Variants in EVPLL observed in about 807,000 individuals in gnomAD.
EVPLL encodes envoplakin like.
EVPLL carries 39 observed loss-of-function variants against 46.2 expected under a neutral mutation model. That is an observed-to-expected ratio of 0.84 (90% CI 0.65 to 1.10). The LOEUF is 1.10. Among genes scored for constraint, EVPLL ranks in the 50% least tolerant of loss-of-function variants. EVPLL has a pLI of 0.00. For missense variants in EVPLL, 385 were observed against 412.6 expected (o/e 0.93, Z 0.58); for synonymous variants, 156 against 165.8 (o/e 0.94, Z 0.46).
In EVPLL at chr17:18,381,622, C is replaced by T. The variant is rs776733805; in HGVS notation, c.238C>T (p.Arg80Trp). The T allele has an allele frequency of 1.3e-4, 207 of 1,613,996 alleles. 1 individual carries two copies. The highest frequency in any genetic ancestry group is 1.6e-4 in the Non-Finnish European group (192 of 1,180,028). Residue 80 changes from arginine to tryptophan, a missense_variant, in exon 4 of 11, where the codon CGG (arginine) becomes TGG (tryptophan). Physicochemically the swap from Arg to Trp is moderately radical, Grantham distance 101. Transcript: ENST00000399134. This position sits in a 1 kb window ranked among gnomAD's most constrained non-coding sequence, Gnocchi z 4.2. ...TEKDIEQLHE[R>W]VTQECAEYCA... ...TGACAGCATCGAGCAGCTGCACGAG[C>T]GGGTGACCCAGGAGTGTGCGGAGTA...
intron 1 of EVPLL, chr17:18,379,724 C>T (rs1987497281): frequency 6.6e-6 from 1 of 152,262 alleles, no homozygotes; most frequent in Non-Finnish European, 1.5e-5. Flanking sequence ...GTAGACAGAA[C>T]CAACAGGCCC....
At position 18,377,952 on chromosome 17, in the gene EVPLL, TC is replaced by T; in HGVS notation, c.-63del. ...CCCCAAGGACTCCCCAGCCAAGGGG[TC>T]CCCCAAAGGCTCCCCCAGCAAGCAC... On this transcript the variant is annotated 5_prime_UTR_variant, in exon 1 of 11. An upstream open reading frame in the 5' UTR loses its in-frame stop. Coordinates refer to ENST00000399134, the MANE Select transcript of EVPLL (RefSeq NM_001145127.2). The T allele has an allele frequency of 4.7e-6, 5 of 1,070,260 alleles. No homozygotes were observed. The highest frequency in any genetic ancestry group is 6.5e-6 in the Non-Finnish European group (5 of 773,138). 66.3% of individuals were successfully genotyped at this position (1,070,260 alleles called of 1,614,324 possible).
At chr17:18,383,688 G>C in intron 9 of EVPLL, 101 bp downstream of exon 9, 1 of 1,118,122 alleles carries the variant, frequency 8.9e-7, no homozygotes, top group South Asian at 1.5e-5. Flanking sequence ...ACTAGACAGA[G>C]CTGGCAAGTC....
In EVPLL at chr17:18,381,784, A is replaced by G. The variant is rs1314205122; in HGVS notation, c.346+54A>G. On this transcript the variant is annotated intron_variant, in intron 4 of 10. Transcript: ENST00000399134. This position sits in a 1 kb window ranked among gnomAD's most constrained non-coding sequence, Gnocchi z 4.2. ...TGATCAGAGGGTGATACGGAACTGC[A>G]TTTAACCCAGGGCCTGACTGTAGGC... The G allele has an allele frequency of 6.2e-7, 1 of 1,612,416 alleles. No individual in the cohort carries two copies. The highest frequency in any genetic ancestry group is 8.5e-7 in the Non-Finnish European group (1 of 1,179,434).
chr17:18,385,025 G>T (rs1004934244), intron 9 of EVPLL, among the ~76,000 whole-genome samples: 1 of 151,942 alleles, frequency 6.6e-6, no homozygotes, highest in South Asian at 2.1e-4. Context: ...TGACAAGAGA[G>T]ACAGAGAAGC....
At chr17:18,388,614 G>A (rs1396945039) in intron 10 of EVPLL, 12 of 171,166 alleles carry the variant, frequency 7.0e-5, no homozygotes, top group Non-Finnish European at 1.0e-4. Context: ...CTCAGCACCC[G>A]GAGCCTGGGA....
At chr17:18,386,563 C>T (rs1987769368) in intron 9 of EVPLL, 1 of 152,194 alleles carries the variant, frequency 6.6e-6, no homozygotes, top group South Asian at 2.1e-4. Context: ...GGCATTGTTT[C>T]CTCACCGCCA....
In EVPLL at chr17:18,383,806, C is replaced by G. The variant is rs992161883; in HGVS notation, c.876+219C>G. Reference sequence around the variant, plus strand: ...TGGCCAACATGGTGAAACCCTGTCTCTACTAAAAATACCAAAATTAGCTAG... The same window carrying G: ...TGGCCAACATGGTGAAACCCTGTCTGTACTAAAAATACCAAAATTAGCTAG... On this transcript the variant is annotated intron_variant, in intron 9 of 10. Coordinates refer to ENST00000399134, the MANE Select transcript of EVPLL (RefSeq NM_001145127.2). The G allele has an allele frequency of 1.8e-5, 10 of 541,124 alleles. No individual in the cohort carries two copies. In the East Asian group the frequency reaches 3.3e-4, roughly 18 times the overall value. The allele number at this position is 541,124 out of a possible 1,614,324, so 33.5% of individuals were successfully genotyped here. A position where few individuals can be genotyped will look rare whatever the true frequency, so the allele number is the denominator to read the frequency against.
chr17:18,379,892 CGAGT>C (rs1987502850), intron 1 of EVPLL: 1 of 152,372 alleles, frequency 6.6e-6, no homozygotes, highest in African/African-American at 2.4e-5. Flanking sequence ...TCCTGCTTTA[CGAGT>C]GAGGAACCTC....
At chr17:18,378,510 T>A (rs367637967) in intron 1 of EVPLL, among the ~76,000 whole-genome samples, 1 of 152,106 alleles carries the variant, frequency 6.6e-6, no homozygotes, top group Non-Finnish European at 1.5e-5. Flanking sequence ...CCTTGTTGTA[T>A]TGAAGAGTTA....
intron 1 of EVPLL, among the ~76,000 whole-genome samples, chr17:18,379,416 C>T: frequency 6.6e-6 from 1 of 152,182 alleles, no homozygotes; most frequent in East Asian, 1.9e-4. Flanking sequence ...AGCTAACACT[C>T]TCACTGAGTG....
Position 18,381,249 on chromosome 17 carries a change from G to C in EVPLL, c.64-118G>C, listed in dbSNP as rs1004185253. On this transcript the variant is annotated intron_variant, in intron 2 of 10. Coordinates refer to ENST00000399134, the MANE Select transcript of EVPLL (RefSeq NM_001145127.2). The surrounding 1 kb of genome is among the most constrained non-coding windows in gnomAD (Gnocchi z 4.2). ...GGGCCTGACCCTGTGCCTGGCGTGG[G>C]CCTCGAGGTTGGCCAGCATAGCTGG... 11 of 1,432,086 alleles carry C rather than the reference G, an allele frequency of 7.7e-6. No homozygotes were observed. The African/African-American group carries it at 1.1e-4, about 15-fold the overall frequency. The allele number at this position is 1,432,086 out of a possible 1,614,324, so 88.7% of individuals were successfully genotyped here.
At chr17:18,384,789 G>A (rs892507223) in intron 9 of EVPLL, among the ~76,000 whole-genome samples, 3 of 152,186 alleles carry the variant, frequency 2.0e-5, no homozygotes, top group Non-Finnish European at 4.4e-5. Flanking sequence ...GGTGCAGGGG[G>A]CACTGGGCCT....
chr17:18,385,946 G>A (rs1370540619), intron 9 of EVPLL, among the ~76,000 whole-genome samples: 5 of 152,132 alleles, frequency 3.3e-5, no homozygotes, highest in South Asian at 2.1e-4. Flanking sequence ...CACTTTGGGA[G>A]GTATAGACAG....
intron 1 of EVPLL, among the ~76,000 whole-genome samples, chr17:18,378,857 G>C (rs3890473): frequency 0.12 from 17,535 of 144,796 alleles, 1,145 homozygotes; most frequent in Middle Eastern, 0.15. Context: ...GCGGGTGGAT[G>C]ACTTGAGCCC....
intron 9 of EVPLL, among the ~76,000 whole-genome samples, chr17:18,384,936 G>C: frequency 6.6e-6 from 1 of 150,840 alleles, no homozygotes; most frequent in East Asian, 1.9e-4. Context: ...AGATGGGGGA[G>C]AGACAGAGGA....
Position 18,383,292 on chromosome 17 carries a change from C to G in EVPLL, c.694C>G (p.Leu232Val). Residue 232 changes from leucine to valine, a missense_variant, in exon 8 of 11, where the codon CTG becomes GTG. By Grantham distance (32) the Leu-to-Val change is conservative (BLOSUM62 1). Transcript: ENST00000399134. ...CCAGCACTTCAAGCAGCACGAGCTG[C>G]TGAGCCAGGAGCAGAGCGTAAACCA... ...EYEHFKQHEL[L>V]SQEQSVNQLE... is the part of the protein sequence containing the mutation. The G allele has an allele frequency of 1.3e-6, 2 of 1,597,438 alleles. No homozygotes were observed. The highest frequency in any genetic ancestry group is 1.7e-6 in the Non-Finnish European group (2 of 1,173,494).
At chr17:18,383,448 C>CCGGGGGGGGG in intron 8 of EVPLL, 44 bp from the exon 9 acceptor site, 8 of 419,140 alleles carry the variant, frequency 1.9e-5, no homozygotes, top group Middle Eastern at 8.4e-4. Context: ...GACGTGGGTG[C>CCGGGGGGGGG]GGGGGCGGGG....
At position 18,381,197 on chromosome 17, in the gene EVPLL, C is replaced by G. The variant is rs7501705; in HGVS notation, c.64-170C>G. On this transcript the variant is annotated intron_variant, in intron 2 of 10. Coordinates refer to ENST00000399134, the MANE Select transcript of EVPLL (RefSeq NM_001145127.2). This position sits in a 1 kb window ranked among gnomAD's most constrained non-coding sequence, Gnocchi z 4.2. The stretch of plus-strand genomic sequence containing the variant: ...CCTTCTTTGCTGGGCTCCCCTGTGT[C>G]TTTGTCACCTGCCTCATGGACGCCC... The G allele has an allele frequency of 7.9e-7, 1 of 1,267,368 alleles. No individual in the cohort carries two copies. Among genetic ancestry groups the G allele is most frequent in the South Asian group, 1.5e-5 (1 of 66,958 alleles). 78.5% of individuals were successfully genotyped at this position (1,267,368 alleles called of 1,614,324 possible).
Sources: allele counts gnomAD v4.1 joint callset (sites outside exome capture counted in the v4.1 genomes callset), GRCh38; gene constraint gnomAD v4.1.1; non-coding constraint Gnocchi (gnomAD v3.1); transcripts MANE v1.5; gene names NCBI Gene and HGNC (gene_info 2026-07-23, HGNC 2026-07-21).